Variants in EML1 observed in about 807,000 individuals in gnomAD.
EML1 encodes echinoderm microtubule-associated protein-like 1.
In EML1, 27 loss-of-function variants were observed where a neutral mutation model predicts 110.4. The ratio of observed to expected loss-of-function variants is 0.24; its 90% CI spans 0.18 to 0.34. The LOEUF (loss-of-function observed/expected upper bound fraction) is 0.34, where lower values mean the gene tolerates loss of function less well. Among genes scored for constraint, EML1 ranks in the 10% least tolerant of loss-of-function variants. EML1 has a pLI of 1.00. For synonymous variants in EML1, 344 were observed against 385.8 expected (o/e 0.89, Z 1.27); for missense variants, 741 against 1,030.9 (o/e 0.72, Z 3.85).
chr14:99,872,634 G>A (rs1315580912), intron 3 of EML1, among the ~76,000 whole-genome samples: 1 of 152,164 alleles, frequency 6.6e-6, no homozygotes, highest in Admixed American at 6.5e-5. Context: ...CGGTGGATGG[G>A]ACTTCCCTTC....
intron 17 of EML1, among the ~76,000 whole-genome samples, chr14:99,926,805 G>A (rs1056999151): frequency 5.3e-5 from 8 of 150,332 alleles, no homozygotes; most frequent in Admixed American, 3.3e-4. Flanking sequence ...GTGCAGTGGC[G>A]TGATCTCAGC....
chr14:99,813,826 A>G (rs2058121464), intron 1 of EML1, among the ~76,000 whole-genome samples: 2 of 152,208 alleles, frequency 1.3e-5, no homozygotes, highest in South Asian at 4.1e-4. Flanking sequence ...ATTGGAATTG[A>G]GACTTGAGTT....
At chr14:99,771,341 A>G (rs1372193557), upstream of EML1, among the ~76,000 whole-genome samples, 1 of 152,170 alleles carries the variant, frequency 6.6e-6, no homozygotes, top group Non-Finnish European at 1.5e-5. Context: ...GGTCTCTTGC[A>G]TGTGGCTTCT....
chr14:99,751,846 A>G (rs1595237029), intron 1 of EML1, among the ~76,000 whole-genome samples: 1 of 152,232 alleles, frequency 6.6e-6, no homozygotes, highest in East Asian at 1.9e-4. Flanking sequence ...ACAGGGGTCT[A>G]TCTGCAGTCT....
At chr14:99,739,580 G>C (rs768293046) in intron 1 of EML1, among the ~76,000 whole-genome samples, 1 of 152,144 alleles carries the variant, frequency 6.6e-6, no homozygotes, top group Non-Finnish European at 1.5e-5. Context: ...TGTCTGCCCT[G>C]GTGGGCAGGT....
At chr14:99,857,387 C>G (rs2058921712) in intron 2 of EML1, among the ~76,000 whole-genome samples, 1 of 151,912 alleles carries the variant, frequency 6.6e-6, no homozygotes, top group Non-Finnish European at 1.5e-5. Flanking sequence ...TTCAGATTTC[C>G]CTAATTGTCC....
chr14:99,737,925 G>A lies in EML1; in HGVS notation c.28+65G>A, dbSNP rs555894187. The A allele has an allele frequency of 1.4e-4, 180 of 1,277,974 alleles. No homozygotes were observed. The African/African-American group carries it at 2.3e-3, about 16-fold the overall frequency. The allele number at this position is 1,277,974 out of a possible 1,614,324, so 79.2% of individuals were successfully genotyped here. A position where few individuals can be genotyped will look rare whatever the true frequency, so the allele number is the denominator to read the frequency against. Reference sequence around the variant, plus strand: ...TGCAGAGCCAAGGCCGCCAGTCGCCGAGGGCACTGGGGCCCCCGCAGGCTG... The same window carrying A: ...TGCAGAGCCAAGGCCGCCAGTCGCCAAGGGCACTGGGGCCCCCGCAGGCTG... On this transcript the variant is annotated intron_variant, in intron 1 of 10. Transcript: ENST00000554479.
At chr14:99,747,571 G>A (rs561014017) in intron 1 of EML1, among the ~76,000 whole-genome samples, 2 of 152,308 alleles carry the variant, frequency 1.3e-5, no homozygotes, top group Admixed American at 6.5e-5. Flanking sequence ...GAGACCCAAG[G>A]AACATCCTTT....
At chr14:99,932,317 T>C (rs1595503209) in intron 17 of EML1, among the ~76,000 whole-genome samples, 1 of 152,186 alleles carries the variant, frequency 6.6e-6, no homozygotes, top group East Asian at 1.9e-4. Context: ...AGAGAGATTG[T>C]GAAGTCCTGT....
At chr14:99,933,030 C>T (rs1447308909) in intron 17 of EML1, among the ~76,000 whole-genome samples, 3 of 152,120 alleles carry the variant, frequency 2.0e-5, no homozygotes, top group Admixed American at 1.3e-4. Flanking sequence ...TGGCAGGAGT[C>T]GAGGAGGTCA....
chr14:99,743,842 A>T (rs774146077), intron 1 of EML1, among the ~76,000 whole-genome samples: 1 of 152,230 alleles, frequency 6.6e-6, no homozygotes, highest in Non-Finnish European at 1.5e-5. Flanking sequence ...ATTCTAAGGG[A>T]GCATTCTTGA....
Position 99,936,603 on chromosome 14 carries a change from C to G in EML1, c.2095+269C>G, listed in dbSNP as rs2060476533. Among the ~76,000 whole-genome samples the G allele has an allele frequency of 1.3e-5, 2 of 152,084 alleles. No individual in the cohort carries two copies. The highest frequency in any genetic ancestry group is 2.4e-5 in the African/African-American group (1 of 41,450). ...GAAGGCCAAGCCCTGCAGAGGGGGG[C>G]TTGGGGCAGGCGGATGTGGCAGAAG... is the stretch of plus-strand genomic sequence containing the variant. On this transcript the variant is annotated intron_variant, in intron 19 of 21. Coordinates refer to ENST00000262233, the MANE Select transcript of EML1 (RefSeq NM_004434.3). The surrounding 1 kb of genome is among the most constrained non-coding windows in gnomAD (Gnocchi z 5.5).
At chr14:99,786,811 C>T (rs1291433205) in intron 1 of EML1, among the ~76,000 whole-genome samples, 1 of 152,158 alleles carries the variant, frequency 6.6e-6, no homozygotes, top group Non-Finnish European at 1.5e-5. Flanking sequence ...GAAAGGACAT[C>T]AGTTAGCACC....
chr14:99,923,042 A>G (rs910538075), intron 17 of EML1, among the ~76,000 whole-genome samples: 5 of 152,210 alleles, frequency 3.3e-5, no homozygotes, highest in African/African-American at 1.2e-4. Flanking sequence ...CTCAGGTCCA[A>G]GCAATCCTCT....
At chr14:99,824,946 A>G (rs997226714) in intron 1 of EML1, among the ~76,000 whole-genome samples, 4 of 152,198 alleles carry the variant, frequency 2.6e-5, no homozygotes, top group Non-Finnish European at 4.4e-5. Context: ...TAAAGAAGAC[A>G]TGATTTCATT....
Position 99,878,549 on chromosome 14 carries a change from G to A in EML1, c.448G>A (p.Asp150Asn), listed in dbSNP as rs1342349380. 1.9e-6 allele frequency: 3 copies of A among 1,614,148 alleles called. No homozygotes were observed. The highest frequency in any genetic ancestry group is 1.1e-5 in the South Asian group (1 of 91,070). ...SPGGRRESNG[D>N]SRGNRNRTGS... ...TGGGGGTCGAAGGGAAAGCAATGGG[G>A]ATTCCAGAGGAAACCGGAATCGCAC... The change falls in exon 4 of 22, where the codon GAT becomes AAT. Residue 150 changes from aspartate to asparagine, a missense_variant. Around this residue, in one of 4 missense-constraint regions of EML1, gnomAD observed 226 missense variants for 255.6 expected, o/e 0.88. Coordinates refer to ENST00000262233, the MANE Select transcript of EML1 (RefSeq NM_004434.3).
chr14:99,938,953 A>G (rs943185022), intron 20 of EML1, among the ~76,000 whole-genome samples: 2 of 152,202 alleles, frequency 1.3e-5, no homozygotes, highest in Non-Finnish European at 2.9e-5. Flanking sequence ...CAGCCCGGAA[A>G]GCTTGTCTTT....
chr14:99,875,274 A>T (rs535292009), intron 3 of EML1, among the ~76,000 whole-genome samples: 3 of 152,216 alleles, frequency 2.0e-5, no homozygotes, highest in Non-Finnish European at 4.4e-5. Context: ...TGTAACCCCA[A>T]ACAAGTTGCT....
intron 1 of EML1, among the ~76,000 whole-genome samples, chr14:99,833,288 T>G (rs940248052): frequency 1.3e-5 from 2 of 152,236 alleles, no homozygotes; most frequent in Non-Finnish European, 2.9e-5. Context: ...CTGAATTGCC[T>G]TTGTACTTTT....
Sources: allele counts gnomAD v4.1 joint callset (sites outside exome capture counted in the v4.1 genomes callset), GRCh38; gene constraint gnomAD v4.1.1; regional missense constraint gnomAD v4.1.1; non-coding constraint Gnocchi (gnomAD v3.1); transcripts MANE v1.5; gene names NCBI Gene and HGNC (gene_info 2026-07-23, HGNC 2026-07-21).